Variants in RNF13 observed in about 807,000 individuals in gnomAD.
RNF13 encodes the protein E3 ubiquitin-protein ligase RNF13.
In RNF13, 19 loss-of-function variants were observed where a neutral mutation model predicts 37.7. That is an observed-to-expected ratio of 0.50 (90% CI 0.35 to 0.74). RNF13 has a LOEUF of 0.74. Among genes scored for constraint, RNF13 ranks in the 30% least tolerant of loss-of-function variants. RNF13 has a pLI of 0.01. For synonymous variants in RNF13, 144 were observed against 157.8 expected (o/e 0.91, Z 0.65); for missense variants, 375 against 453.0 (o/e 0.83, Z 1.56).
At chr3:149,819,189 C>T (rs182299395) in intron 1 of RNF13, among the ~76,000 whole-genome samples, 15 of 152,228 alleles carry the variant, frequency 9.9e-5, no homozygotes, top group Admixed American at 3.3e-4. Flanking sequence ...ACTTCACTAA[C>T]GTAGATAATA....
At chr3:149,943,235 T>TA (rs1720441324) in intron 8 of RNF13, among the ~76,000 whole-genome samples, 2 of 150,414 alleles carry the variant, frequency 1.3e-5, no homozygotes, top group South Asian at 4.2e-4. Context: ...TTTTTTTTTT[T>TA]AAGACTTTAT....
intron 3 of RNF13, among the ~76,000 whole-genome samples, chr3:149,861,206 TA>T (rs966473035): frequency 1.9e-4 from 27 of 141,962 alleles, no homozygotes; most frequent in African/African-American, 1.8e-4. Flanking sequence ...TATGGAGATT[TA>T]AAAAAAAAAA....
chr3:149,948,894 G>A (rs1481217945), intron 8 of RNF13, among the ~76,000 whole-genome samples: 1 of 152,114 alleles, frequency 6.6e-6, no homozygotes, highest in African/African-American at 2.4e-5. Context: ...CAGGCATGGT[G>A]GCAAGTGCCT....
chr3:149,818,630 C>G (rs968818253), intron 1 of RNF13, among the ~76,000 whole-genome samples: 1 of 152,042 alleles, frequency 6.6e-6, no homozygotes, highest in Non-Finnish European at 1.5e-5. Flanking sequence ...GAAGAGAATC[C>G]GGCTGGGCAC....
chr3:149,933,993 G>A (rs1314765695), intron 8 of RNF13, among the ~76,000 whole-genome samples: 3 of 152,172 alleles, frequency 2.0e-5, no homozygotes, highest in African/African-American at 7.2e-5. Flanking sequence ...GTTTTCAGCA[G>A]TGAAGCCATC....
chr3:149,908,000 T>C (rs368365157), intron 6 of RNF13, among the ~76,000 whole-genome samples: 1 of 152,224 alleles, frequency 6.6e-6, no homozygotes, highest in East Asian at 1.9e-4. Context: ...TCCCCTACTC[T>C]TGCCAGTAAT....
At chr3:149,861,873 C>T (rs563076534) in intron 3 of RNF13, among the ~76,000 whole-genome samples, 1 of 152,150 alleles carries the variant, frequency 6.6e-6, no homozygotes, top group African/African-American at 2.4e-5. Flanking sequence ...ACATTTTATG[C>T]ATGTAACAAA....
intron 1 of RNF13, among the ~76,000 whole-genome samples, chr3:149,841,922 A>G (rs60967906): frequency 0.03 from 4,540 of 152,140 alleles, 79 homozygotes; most frequent in South Asian, 0.037. Flanking sequence ...GAGCTGCTAC[A>G]CTCGGCCTGG....
chr3:149,956,043 C>T (rs71304498), intron 8 of RNF13, among the ~76,000 whole-genome samples: 4,702 of 152,096 alleles, frequency 0.031, 96 homozygotes, highest in Non-Finnish European at 0.042. Context: ...AAGGATGAAG[C>T]ATGAATGAAG....
rs1444361148 is a variant in RNF13 at position 149,813,249 on chromosome 3, C to G, written c.-121C>G. ...TTGTCGTCCCTGCTAGTACTCCGGG[C>G]TGTGGGGGTCGGTGCGGATATTCAG... is the stretch of plus-strand genomic sequence containing the variant. On this transcript the variant is annotated 5_prime_UTR_variant, in exon 1 of 10. Transcript: ENST00000392894. The G allele has an allele frequency of 6.6e-6, 1 of 151,500 alleles. No homozygotes were observed. The highest frequency in any genetic ancestry group is 1.5e-5 in the Non-Finnish European group (1 of 68,110). 9.4% of individuals were successfully genotyped at this position (151,500 alleles called of 1,614,324 possible).
At chr3:149,822,286 G>A (rs1205497444) in intron 1 of RNF13, among the ~76,000 whole-genome samples, 3 of 152,080 alleles carry the variant, frequency 2.0e-5, no homozygotes, top group Non-Finnish European at 4.4e-5. Flanking sequence ...ATGTGTGTTT[G>A]ATATCCTTCA....
intron 3 of RNF13, among the ~76,000 whole-genome samples, chr3:149,855,992 T>C (rs921387785): frequency 1.3e-5 from 2 of 152,210 alleles, no homozygotes; most frequent in Non-Finnish European, 2.9e-5. Context: ...TGAATAAGCT[T>C]ATTTTAAAGA....
At chr3:149,940,873 C>T (rs375724363) in intron 8 of RNF13, among the ~76,000 whole-genome samples, 1 of 152,132 alleles carries the variant, frequency 6.6e-6, no homozygotes, top group Admixed American at 6.5e-5. Flanking sequence ...CCAGCCCTTG[C>T]TAACCACATT....
chr3:149,812,854 C>A (rs1224755856), upstream of RNF13: 1 of 152,464 alleles, frequency 6.6e-6, no homozygotes, highest in Non-Finnish European at 1.5e-5. Flanking sequence ...GCCCTGCCCG[C>A]TCGGTCCCGC....
chr3:149,886,746 C>T (rs1280364415), intron 4 of RNF13, among the ~76,000 whole-genome samples: 2 of 152,128 alleles, frequency 1.3e-5, no homozygotes, highest in Admixed American at 6.5e-5. Flanking sequence ...CATAGATGCT[C>T]TTTATCAGGT....
chr3:149,832,426 T>C (rs1470314242), intron 1 of RNF13, among the ~76,000 whole-genome samples: 1 of 152,198 alleles, frequency 6.6e-6, no homozygotes, highest in Non-Finnish European at 1.5e-5. Flanking sequence ...CAGATTTAAA[T>C]GTGAAGTTAG....
intron 6 of RNF13, among the ~76,000 whole-genome samples, chr3:149,911,201 A>G (rs1199202222): frequency 6.6e-6 from 1 of 152,174 alleles, no homozygotes; most frequent in African/African-American, 2.4e-5. Context: ...GCAGATAGGG[A>G]GGAAACAGTA....
At chr3:149,950,655 TG>T (rs1251039809) in intron 8 of RNF13, among the ~76,000 whole-genome samples, 1 of 151,540 alleles carries the variant, frequency 6.6e-6, no homozygotes, top group African/African-American at 2.4e-5. Context: ...TTTTTTTTTT[TG>T]GTAGAAATGG....
intron 4 of RNF13, among the ~76,000 whole-genome samples, chr3:149,872,551 A>G (rs926621903): frequency 6.6e-6 from 1 of 152,208 alleles, no homozygotes; most frequent in Non-Finnish European, 1.5e-5. Flanking sequence ...GGGTTAAGCT[A>G]GCATTTCAGA....
Sources: gnomAD v4.1 joint callset for allele counts (sites outside exome capture counted in the v4.1 genomes callset) on GRCh38, gnomAD v4.1.1 for gene constraint, MANE v1.5 for transcripts, NCBI Gene and HGNC (gene_info 2026-07-23, HGNC 2026-07-21) for gene names.